The following MEIS1 variants were observed in gnomAD, a reference collection of about 807,000 sequenced individuals.
MEIS1 encodes the protein homeobox protein Meis1.
A neutral mutation model predicts 50.8 loss-of-function variants in MEIS1; 5 were observed. The observed-to-expected ratio is 0.10, with a 90% CI of 0.05 to 0.21. MEIS1 has a LOEUF of 0.21. Ranked by LOEUF, MEIS1 falls within the 10% of genes least tolerant of loss-of-function variation. The pLI is 1.00. For synonymous variants in MEIS1, 176 were observed against 179.3 expected, an observed-to-expected ratio of 0.98 and a Z score of 0.15; for missense variants, 318 against 517.3, an observed-to-expected ratio of 0.61 and a Z score of 3.74.
intron 6 of MEIS1, among the ~76,000 whole-genome samples, chr2:66,450,040 T>C: frequency 6.6e-6 from 1 of 152,176 alleles, no homozygotes; most frequent in East Asian, 1.9e-4. Context: ...ATCAATACAA[T>C]TGAAGTTTAT....
intron 7 of MEIS1, among the ~76,000 whole-genome samples, chr2:66,473,165 G>A (rs1672803723): frequency 6.6e-6 from 1 of 151,436 alleles, no homozygotes; most frequent in Non-Finnish European, 1.5e-5. Context: ...GATCACCTGA[G>A]GTCAGGAGTT....
intron 7 of MEIS1, among the ~76,000 whole-genome samples, chr2:66,467,351 G>A (rs10189862): frequency 0.31 from 46,694 of 151,648 alleles, 10,376 homozygotes; most frequent in African/African-American, 0.63. Flanking sequence ...AATCCCAGCA[G>A]TTTAGGAGGC....
intron 6 of MEIS1, among the ~76,000 whole-genome samples, chr2:66,457,647 CA>C (rs2103729023): frequency 6.6e-6 from 1 of 152,252 alleles, no homozygotes; most frequent in African/African-American, 2.4e-5. Flanking sequence ...ACTGTTTAGA[CA>C]GAGGGGAAAA....
chr2:66,513,259 T>C (rs1399466929), intron 8 of MEIS1, among the ~76,000 whole-genome samples: 5 of 152,158 alleles, frequency 3.3e-5, no homozygotes, highest in African/African-American at 4.8e-5. Context: ...CTCTTGAGGG[T>C]TGTTTTTTAA....
At chr2:66,557,925 T>C (rs2103953406) in intron 9 of MEIS1, among the ~76,000 whole-genome samples, 1 of 152,232 alleles carries the variant, frequency 6.6e-6, no homozygotes, top group South Asian at 2.1e-4. Context: ...TACACACTGC[T>C]CTCACTTTCC....
intron 6 of MEIS1, among the ~76,000 whole-genome samples, chr2:66,444,492 A>G (rs1014850811): frequency 1.3e-5 from 2 of 152,234 alleles, no homozygotes; most frequent in African/African-American, 4.8e-5. Context: ...GGAGCGAGAA[A>G]CAGGCAGAGC....
chr2:66,515,901 T>G (rs1178888555), intron 8 of MEIS1, among the ~76,000 whole-genome samples: 1 of 152,230 alleles, frequency 6.6e-6, no homozygotes, highest in East Asian at 1.9e-4. Flanking sequence ...TCACTGTGTA[T>G]TCACAATCAG....
At chr2:66,565,986 T>C (rs1675336823) in intron 9 of MEIS1, among the ~76,000 whole-genome samples, 1 of 152,236 alleles carries the variant, frequency 6.6e-6, no homozygotes, top group African/African-American at 2.4e-5. Flanking sequence ...GAATGGAGAA[T>C]TAATCTAACC....
chr2:66,481,368 G>A (rs1045450528), intron 7 of MEIS1, among the ~76,000 whole-genome samples: 20 of 152,216 alleles, frequency 1.3e-4, no homozygotes, highest in African/African-American at 4.3e-4. Context: ...CTTTGTGATG[G>A]ATGACGTGGC....
At chr2:66,464,071 A>AT (rs1221785447) in intron 6 of MEIS1, 38 bp from the exon 7 acceptor site, 3 of 1,443,732 alleles carry the variant, frequency 2.1e-6, no homozygotes, top group African/African-American at 1.4e-5. Context: ...GGGTTCACAG[A>AT]TGCCTCTTAT....
chr2:66,519,991 C>T (rs543504295), intron 8 of MEIS1, among the ~76,000 whole-genome samples: 59 of 152,016 alleles, frequency 3.9e-4, no homozygotes, highest in Non-Finnish European at 1.5e-5. Flanking sequence ...CCTGCAGTAC[C>T]CAAGTGCTGT....
At chr2:66,565,733 TAGAC>T (rs1238886019) in intron 9 of MEIS1, among the ~76,000 whole-genome samples, 5 of 152,176 alleles carry the variant, frequency 3.3e-5, no homozygotes, top group Non-Finnish European at 5.9e-5. Flanking sequence ...AGAAAGTTAA[TAGAC>T]AGAATTCCTT....
intron 6 of MEIS1, chr2:66,461,889 T>A: frequency 2.1e-6 from 1 of 470,928 alleles, no homozygotes; most frequent in Non-Finnish European, 4.4e-6. Flanking sequence ...TGAAAAAAGG[T>A]AGGCACAGAT....
At chr2:66,469,136 C>T (rs573389854) in intron 7 of MEIS1, among the ~76,000 whole-genome samples, 141 of 152,000 alleles carry the variant, frequency 9.3e-4, no homozygotes, top group Middle Eastern at 3.4e-3. Flanking sequence ...TCTCTAAAAC[C>T]CACTTATGAA....
At chr2:66,448,768 A>C (rs923285615) in intron 6 of MEIS1, among the ~76,000 whole-genome samples, 2 of 152,160 alleles carry the variant, frequency 1.3e-5, no homozygotes, top group African/African-American at 4.8e-5. Flanking sequence ...CCAAATTGCT[A>C]TAGGGACTAG....
At chr2:66,441,512 C>A in intron 5 of MEIS1, 48 bp downstream of exon 5, 2 of 1,411,540 alleles carry the variant, frequency 1.4e-6, no homozygotes, top group Non-Finnish European at 1.9e-6. Context: ...TACCCCCAAA[C>A]ACACAGGGGG....
intron 8 of MEIS1, among the ~76,000 whole-genome samples, chr2:66,541,548 C>T (rs1674652576): frequency 6.6e-6 from 1 of 152,174 alleles, no homozygotes; most frequent in Non-Finnish European, 1.5e-5. Context: ...CTTTTAACTG[C>T]TGTTGGATAT....
intron 5 of MEIS1, among the ~76,000 whole-genome samples, chr2:66,442,401 C>A (rs1267028351): frequency 6.6e-6 from 1 of 151,674 alleles, no homozygotes; most frequent in Non-Finnish European, 1.5e-5. Flanking sequence ...AAAATATACC[C>A]CTTAGAGATA....
chr2:66,502,323 C>T (rs772131535), intron 7 of MEIS1, among the ~76,000 whole-genome samples: 2 of 152,188 alleles, frequency 1.3e-5, no homozygotes, highest in Non-Finnish European at 2.9e-5. Context: ...AGTTTGGAAA[C>T]TGACCATGAA....
Sources: gnomAD v4.1 joint callset for allele counts (sites outside exome capture counted in the v4.1 genomes callset) on GRCh38, gnomAD v4.1.1 for gene constraint, MANE v1.5 for transcripts, NCBI Gene and HGNC (gene_info 2026-07-23, HGNC 2026-07-21) for gene names.